TBL1Y: variants seen among roughly 807,000 people sequenced by gnomAD.
TBL1Y encodes the protein transducin beta like 1 Y-linked.
In TBL1Y, 15 loss-of-function variants were observed where a neutral mutation model predicts 12.0. The ratio of observed to expected loss-of-function variants is 1.25; its 90% CI spans 0.83 to 1.92. The LOEUF (loss-of-function observed/expected upper bound fraction) is 1.92. TBL1Y is among the 40% of genes most tolerant of loss of function. The pLI is 0.00. For missense variants in TBL1Y, 148 were observed against 116.7 expected, an observed-to-expected ratio of 1.27 and a Z score of -1.24; for synonymous variants, 53 against 42.6, an observed-to-expected ratio of 1.24 and a Z score of -0.95.
intron 7 of TBL1Y, among the ~76,000 whole-genome samples, chrY:7,063,179 C>G: frequency 3.0e-5 from 1 of 32,941 alleles, no homozygotes; most frequent in African/African-American, 1.2e-4. Flanking sequence ...CCGGACGAGC[C>G]CCGAAATTGT....
At chrY:6,948,505 GAAAAAAA>G (rs2012000108) in intron 2 of TBL1Y, among the ~76,000 whole-genome samples, 1 of 8,305 alleles carries the variant, frequency 1.2e-4, no homozygotes, top group Non-Finnish European at 2.2e-4. Flanking sequence ...CATCTCTACT[GAAAAAAA>G]AAAAAAAAAA....
intron 7 of TBL1Y, among the ~76,000 whole-genome samples, chrY:7,061,091 CTTTTTTTT>C: frequency 1.6e-4 from 1 of 6,199 alleles, no homozygotes; most frequent in African/African-American, 9.3e-4. Flanking sequence ...TACATTTTTG[CTTTTTTTT>C]TTTTTTTTTT....
chrY:7,054,894 C>T, intron 7 of TBL1Y, among the ~76,000 whole-genome samples: 1 of 34,106 alleles, frequency 2.9e-5, no homozygotes, highest in Non-Finnish European at 7.3e-5. Context: ...TCAGGGAACA[C>T]GAGGCTTGCC....
intron 13 of TBL1Y, among the ~76,000 whole-genome samples, chrY:7,075,481 C>T (rs17250345): frequency 0.11 from 3,716 of 33,357 alleles, no homozygotes; most frequent in Non-Finnish European, 0.19. Flanking sequence ...AATTGAACAC[C>T]ATTGATGAGG....
At chrY:6,959,236 A>G (rs2012102057) in intron 2 of TBL1Y, among the ~76,000 whole-genome samples, 4 of 33,607 alleles carry the variant, frequency 1.2e-4, no homozygotes, top group Non-Finnish European at 2.9e-4. Flanking sequence ...GATTCCATAC[A>G]ACACATGTTT....
intron 3 of TBL1Y, among the ~76,000 whole-genome samples, chrY:6,990,364 C>T: frequency 6.1e-5 from 2 of 32,620 alleles, no homozygotes; most frequent in East Asian, 8.2e-4. Context: ...GTCAGTGTCA[C>T]CAACTTTGCC....
At chrY:6,997,851 C>T in intron 4 of TBL1Y, among the ~76,000 whole-genome samples, 2 of 34,125 alleles carry the variant, frequency 5.9e-5, no homozygotes, top group Non-Finnish European at 1.5e-4. Context: ...CTATTGATTG[C>T]TGTGTAACAA....
At chrY:7,073,835 T>C (rs763017068) in intron 12 of TBL1Y, among the ~76,000 whole-genome samples, 218 of 33,367 alleles carry the variant, frequency 6.5e-3, no homozygotes, top group Non-Finnish European at 0.011. Context: ...CCAGCATCAG[T>C]ATAAGTCCAT....
intron 4 of TBL1Y, among the ~76,000 whole-genome samples, chrY:7,006,909 T>G (rs2012491315): frequency 3.0e-5 from 1 of 33,831 alleles, no homozygotes; most frequent in Non-Finnish European, 7.3e-5. Context: ...AGAAGCAGCT[T>G]GTTTCCTATT....
At chrY:7,063,030 C>G (rs1603046427) in intron 7 of TBL1Y, among the ~76,000 whole-genome samples, 2 of 32,371 alleles carry the variant, frequency 6.2e-5, no homozygotes, top group South Asian at 1.4e-3. Context: ...AATTTTTTTT[C>G]CCGCGTGTTG....
intron 2 of TBL1Y, among the ~76,000 whole-genome samples, chrY:6,936,945 G>A (rs2011908594): frequency 6.1e-5 from 2 of 33,057 alleles, no homozygotes; most frequent in Middle Eastern, 0.014. Flanking sequence ...ACAGTTTTAC[G>A]GAGCATACAC....
At chrY:7,062,912 C>G (rs984866255) in intron 7 of TBL1Y, among the ~76,000 whole-genome samples, 3 of 34,024 alleles carry the variant, frequency 8.8e-5, no homozygotes, top group Admixed American at 2.6e-4. Context: ...TCCCGACCAC[C>G]AAGGAAATAC....
chrY:6,976,447 T>G (rs2012241433), intron 2 of TBL1Y, among the ~76,000 whole-genome samples: 1 of 33,648 alleles, frequency 3.0e-5, no homozygotes, highest in Non-Finnish European at 7.4e-5. Flanking sequence ...CTGACAAAAA[T>G]GCCCTCCAGT....
At chrY:7,079,768 T>C (rs2013082623) in intron 13 of TBL1Y, among the ~76,000 whole-genome samples, 2 of 34,195 alleles carry the variant, frequency 5.8e-5, no homozygotes. Flanking sequence ...AAGAAATTCT[T>C]CCTCTCCTTT....
intron 2 of TBL1Y, among the ~76,000 whole-genome samples, chrY:6,973,502 T>C (rs2012221054): frequency 3.0e-5 from 1 of 33,765 alleles, no homozygotes; most frequent in African/African-American, 1.2e-4. Context: ...AACTATTTGA[T>C]TGAGCTTGTC....
At chrY:7,045,596 T>C in intron 7 of TBL1Y, among the ~76,000 whole-genome samples, 1 of 33,362 alleles carries the variant, frequency 3.0e-5, no homozygotes, top group African/African-American at 1.2e-4. Flanking sequence ...TTCTGAGCTA[T>C]TGGGGATCAT....
At chrY:6,967,004 G>A (rs2012173086) in intron 2 of TBL1Y, among the ~76,000 whole-genome samples, 5 of 33,437 alleles carry the variant, frequency 1.5e-4, no homozygotes, top group Non-Finnish European at 3.0e-4. Flanking sequence ...TTTTTGTTTT[G>A]TTTCTGTGGG....
At chrY:7,061,313 C>T (rs764949903) in intron 7 of TBL1Y, among the ~76,000 whole-genome samples, 3 of 31,548 alleles carry the variant, frequency 9.5e-5, no homozygotes, top group South Asian at 7.5e-4. Context: ...TTTAGGGCTA[C>T]GCTCTTGTTT....
chrY:7,032,242 G>A (rs2012660888), intron 6 of TBL1Y, among the ~76,000 whole-genome samples: 2 of 32,724 alleles, frequency 6.1e-5, no homozygotes, highest in Admixed American at 2.8e-4. Flanking sequence ...GCTTGAGCCC[G>A]GGTGTTCAAG....
Sources: allele counts gnomAD v4.1 joint callset (sites outside exome capture counted in the v4.1 genomes callset), GRCh38; gene constraint gnomAD v4.1.1; transcripts MANE v1.5; gene names NCBI Gene and HGNC (gene_info 2026-07-23, HGNC 2026-07-21).